The following SPIN1 variants were observed in gnomAD, a reference collection of about 807,000 sequenced individuals.
SPIN1 encodes spindlin 1, also known as spindlin-1.
SPIN1 carries 3 observed loss-of-function variants against 26.0 expected under a neutral mutation model. That is an observed-to-expected ratio of 0.12 (90% confidence interval 0.05 to 0.30). The LOEUF is 0.30. Among genes scored for constraint, SPIN1 ranks in the 10% least tolerant of loss-of-function variants. SPIN1 has a pLI of 1.00. For missense variants in SPIN1, 126 were observed against 333.4 expected (o/e 0.38, Z 4.84); for synonymous variants, 101 against 116.5 (o/e 0.87, Z 0.86).
At chr9:88,411,263 A>G (rs1170400248) in intron 1 of SPIN1, 2 of 1,153,478 alleles carry the variant, frequency 1.7e-6, no homozygotes, top group South Asian at 2.4e-5. Flanking sequence ...TGCATCCTCC[A>G]CCTCCACAGT....
intron 1 of SPIN1, among the ~76,000 whole-genome samples, chr9:88,402,337 C>T (rs1302221943): frequency 6.6e-6 from 1 of 152,140 alleles, no homozygotes. Flanking sequence ...CAAGCCTTCT[C>T]TTTTAGCTAC....
chr9:88,471,189 C>A (rs139277613), intron 5 of SPIN1, among the ~76,000 whole-genome samples: 441 of 152,200 alleles, frequency 2.9e-3, no homozygotes, highest in African/African-American at 0.01. Context: ...AAGATTTACC[C>A]TCGTTTTCTT....
chr9:88,435,695 T>TA (rs1191107477), intron 2 of SPIN1, among the ~76,000 whole-genome samples: 1 of 152,206 alleles, frequency 6.6e-6, no homozygotes, highest in Non-Finnish European at 1.5e-5. Flanking sequence ...ACATCAGAGT[T>TA]ATTAACCTTT....
intron 1 of SPIN1, chr9:88,410,804 A>G (rs754269536): frequency 1.3e-5 from 13 of 981,546 alleles, no homozygotes; most frequent in Non-Finnish European, 1.9e-5. Flanking sequence ...TGACCACTGA[A>G]GTTTCCTCCA....
At chr9:88,452,194 T>C (rs2118147955) in intron 3 of SPIN1, among the ~76,000 whole-genome samples, 1 of 152,298 alleles carries the variant, frequency 6.6e-6, no homozygotes, top group South Asian at 2.1e-4. Flanking sequence ...TCATGTAGTT[T>C]TCATGATAGC....
intron 3 of SPIN1, among the ~76,000 whole-genome samples, chr9:88,449,354 C>T (rs1464760816): frequency 6.6e-6 from 1 of 152,108 alleles, no homozygotes; most frequent in African/African-American, 2.4e-5. Flanking sequence ...CACTGTTTGA[C>T]AAGGAGCTCC....
intron 1 of SPIN1, among the ~76,000 whole-genome samples, chr9:88,389,953 A>G (rs1288111832): frequency 1.3e-5 from 2 of 150,150 alleles, no homozygotes; most frequent in South Asian, 2.2e-4. Flanking sequence ...TTAAAAGGCA[A>G]ACACCAAAAT....
chr9:88,415,230 T>G (rs1452601563), intron 1 of SPIN1, among the ~76,000 whole-genome samples: 2 of 152,052 alleles, frequency 1.3e-5, no homozygotes, highest in Non-Finnish European at 2.9e-5. Flanking sequence ...GATAGAGAAT[T>G]TGGGCTCTGA....
intron 1 of SPIN1, among the ~76,000 whole-genome samples, chr9:88,405,243 T>C (rs1437597005): frequency 6.6e-6 from 1 of 152,200 alleles, no homozygotes; most frequent in Non-Finnish European, 1.5e-5. Flanking sequence ...TTTGTTTGTT[T>C]TTTGAGACAG....
chr9:88,416,049 C>T (rs1486230367), intron 1 of SPIN1, among the ~76,000 whole-genome samples: 1 of 152,102 alleles, frequency 6.6e-6, no homozygotes, highest in East Asian at 1.9e-4. Flanking sequence ...AGCCACCACG[C>T]CTAGCCCAAG....
At chr9:88,467,746 T>C (rs1828699159) in intron 4 of SPIN1, among the ~76,000 whole-genome samples, 1 of 152,044 alleles carries the variant, frequency 6.6e-6, no homozygotes, top group Non-Finnish European at 1.5e-5. Context: ...ATTACTTTGG[T>C]TGCAGTGAAG....
chr9:88,406,997 T>A (rs921270716), intron 1 of SPIN1, among the ~76,000 whole-genome samples: 1 of 152,112 alleles, frequency 6.6e-6, no homozygotes, highest in Non-Finnish European at 1.5e-5. Context: ...TTTATCCTTT[T>A]CATTTCCTAA....
At chr9:88,448,697 C>T (rs1200683105) in intron 2 of SPIN1, among the ~76,000 whole-genome samples, 1 of 152,148 alleles carries the variant, frequency 6.6e-6, no homozygotes, top group African/African-American at 2.4e-5. Context: ...TGGTTTTGTG[C>T]TTTTACGGCT....
intron 1 of SPIN1, chr9:88,410,897 G>A (rs1463120227): frequency 1.2e-5 from 12 of 981,464 alleles, no homozygotes; most frequent in Non-Finnish European, 1.9e-5. Flanking sequence ...GCTGGATGAA[G>A]CACTAGCCAT....
intron 1 of SPIN1, among the ~76,000 whole-genome samples, chr9:88,407,871 C>T (rs928815655): frequency 2.0e-5 from 3 of 151,674 alleles, no homozygotes; most frequent in African/African-American, 7.3e-5. Context: ...AATGATCCTC[C>T]TACCTCAGCC....
chr9:88,467,852 A>C (rs1053412575), intron 4 of SPIN1, among the ~76,000 whole-genome samples: 2 of 146,328 alleles, frequency 1.4e-5, no homozygotes, highest in Non-Finnish European at 3.0e-5. Flanking sequence ...CTTTAAAAAA[A>C]AAAAACAAAA....
At chr9:88,390,440 C>T (rs1826894949) in intron 1 of SPIN1, among the ~76,000 whole-genome samples, 1 of 152,216 alleles carries the variant, frequency 6.6e-6, no homozygotes, top group South Asian at 2.1e-4. Context: ...AGGTGGTTTT[C>T]ACTTCCAGTG....
chr9:88,421,013 C>A (rs1031828949), intron 1 of SPIN1, among the ~76,000 whole-genome samples: 1 of 152,158 alleles, frequency 6.6e-6, no homozygotes, highest in East Asian at 1.9e-4. Context: ...ATTCTAGAAT[C>A]GTAAATAAAG....
chr9:88,427,805 G>C (rs1827792049), intron 2 of SPIN1, among the ~76,000 whole-genome samples: 2 of 151,936 alleles, frequency 1.3e-5, no homozygotes, highest in Admixed American at 6.6e-5. Context: ...TGCCATGTTG[G>C]CCAGGCCGGT....
Sources: allele counts gnomAD v4.1 joint callset (sites outside exome capture counted in the v4.1 genomes callset), GRCh38; gene constraint gnomAD v4.1.1; transcripts MANE v1.5; gene names NCBI Gene and HGNC (gene_info 2026-07-23, HGNC 2026-07-21).